Variants in SPRYD3 observed in about 807,000 individuals in gnomAD.
SPRYD3 encodes SPRY domain-containing protein 3.
Under a neutral mutation model 50.1 loss-of-function variants are expected in SPRYD3, and 17 were observed. That is an observed-to-expected ratio of 0.34 (90% CI 0.23 to 0.51). The LOEUF (loss-of-function observed/expected upper bound fraction) is 0.51. Among genes scored for constraint, SPRYD3 ranks in the 20% least tolerant of loss-of-function variants. SPRYD3 has a pLI of 0.97. For missense variants in SPRYD3, 401 were observed against 591.2 expected (o/e 0.68, Z 3.34); for synonymous variants, 198 against 215.5 (o/e 0.92, Z 0.71).
chr12:53,066,907 G>A (rs1039598336), intron 8 of SPRYD3, among the ~76,000 whole-genome samples: 13 of 152,304 alleles, frequency 8.5e-5, no homozygotes, highest in African/African-American at 3.1e-4. Context: ...GAAGTCAGGA[G>A]TTTGAGACCA....
At position 53,075,213 on chromosome 12, in the gene SPRYD3, T is replaced by C. The variant is rs944763802; in HGVS notation, c.253A>G (p.Ile85Val). The C allele has an allele frequency of 1.2e-6, 2 of 1,605,170 alleles. No individual in the cohort carries two copies. Among genetic ancestry groups the C allele is most frequent in the African/African-American group, 1.3e-5 (1 of 74,610 alleles). The change falls in exon 4 of 11, where the codon ATT (isoleucine) becomes GTT (valine). Residue 85 changes from isoleucine to valine, a missense_variant. Ile to Val is a conservative substitution (Grantham distance 29). Coordinates refer to ENST00000301463, the MANE Select transcript of SPRYD3 (RefSeq NM_032840.3). ...GTGCCCCGGACTCCACTGTCCACAA[T>C]AGACACCTGGAGAGAAGAAAGCAGG... ...TKDSNYFEVS[I>V]VDSGVRGTIA...
Position 53,073,552 on chromosome 12 carries a change from A to G in SPRYD3, c.508-81T>C, listed in dbSNP as rs1944565461. 9 of 1,218,886 alleles carry G rather than the reference A, an allele frequency of 7.4e-6. No individual in the cohort carries two copies. In the East Asian group the frequency reaches 2.1e-4, roughly 28 times the overall value. The allele number at this position is 1,218,886 out of a possible 1,614,324, so 75.5% of individuals were successfully genotyped here. A position where few individuals can be genotyped will look rare whatever the true frequency, so the allele number is the denominator to read the frequency against. On this transcript the variant is annotated intron_variant, in intron 5 of 10. Coordinates refer to ENST00000301463, the MANE Select transcript of SPRYD3 (RefSeq NM_032840.3). ...TAATTCTCACAAGGGTACTTTTAAG[A>G]TGATGCAACCAGCCGGGCGTGGTGG...
intron 10 of SPRYD3, 136 bp downstream of exon 10, chr12:53,066,178 G>A: frequency 1.4e-6 from 2 of 1,473,086 alleles, no homozygotes; most frequent in Non-Finnish European, 1.8e-6. Context: ...GCAACCCCTG[G>A]AGCTGGGAAC....
At chr12:53,075,063 A>G (rs1944578791) in intron 4 of SPRYD3, 32 bp downstream of exon 4, 1 of 1,602,976 alleles carries the variant, frequency 6.2e-7, no homozygotes, top group African/African-American at 1.3e-5. Context: ...AATTCATAGG[A>G]AAAGGGCCGG....
At chr12:53,066,508 GCTC>G (rs768516802) in intron 9 of SPRYD3, 22 bp from the exon 10 acceptor site, 1 of 1,613,642 alleles carries the variant, frequency 6.2e-7, no homozygotes, top group South Asian at 1.1e-5. Flanking sequence ...GGAAACCTGA[GCTC>G]CTGTGGTGCC....
Position 53,064,805 on chromosome 12 carries a change from C to T in SPRYD3, c.*1027G>A, listed in dbSNP as rs1048565. Reference sequence around the variant, plus strand: ...TTCCTCCCTGGAAAAGTCACTGTTACGGGGAGGGGGCCAGGGGTTGAAGGA... The same window carrying T: ...TTCCTCCCTGGAAAAGTCACTGTTATGGGGAGGGGGCCAGGGGTTGAAGGA... On this transcript the variant is annotated 3_prime_UTR_variant, in exon 11 of 11. Transcript: ENST00000301463. The T allele has an allele frequency of 0.056, 8,544 of 152,962 alleles. 338 individuals are homozygous for T. Among genetic ancestry groups the T allele is most frequent in the East Asian group, 0.17 (871 of 5,180 alleles). The allele number at this position is 152,962 out of a possible 1,614,324, so 9.5% of individuals were successfully genotyped here.
intron 8 of SPRYD3, 130 bp from the exon 9 acceptor site, chr12:53,066,822 G>A: frequency 8.1e-7 from 1 of 1,240,768 alleles, no homozygotes; most frequent in Non-Finnish European, 1.1e-6. Context: ...AAACAAAGAT[G>A]GAGAGAGAGG....
intron 8 of SPRYD3, among the ~76,000 whole-genome samples, 183 bp from the exon 9 acceptor site, chr12:53,066,875 G>A (rs1189419313): frequency 6.6e-6 from 1 of 152,224 alleles, no homozygotes; most frequent in Non-Finnish European, 1.5e-5. Context: ...GACTTTGGGA[G>A]GCCAAGGAGG....
chr12:53,077,007 AGT>A, intron 2 of SPRYD3, 106 bp downstream of exon 2: 1 of 960,124 alleles, frequency 1.0e-6, no homozygotes, highest in Non-Finnish European at 1.6e-6. Context: ...TTCCCTGTGC[AGT>A]GCACAGTCCC....
At chr12:53,078,565 G>T (rs993073880) in intron 1 of SPRYD3, among the ~76,000 whole-genome samples, 3 of 151,886 alleles carry the variant, frequency 2.0e-5, no homozygotes, top group Admixed American at 1.3e-4. Flanking sequence ...ATCACAAGAG[G>T]ATCAAGAACA....
At chr12:53,071,462 C>T (rs1191108976) in intron 6 of SPRYD3, among the ~76,000 whole-genome samples, 1 of 152,186 alleles carries the variant, frequency 6.6e-6, no homozygotes. Context: ...ATTCCTCAAC[C>T]CCTCAGAGCT....
chr12:53,067,200 A>G (rs1207565151), intron 8 of SPRYD3, among the ~76,000 whole-genome samples: 1 of 151,894 alleles, frequency 6.6e-6, no homozygotes, highest in Non-Finnish European at 1.5e-5. Flanking sequence ...TGCTCAAGGT[A>G]AGGGTAAGGG....
intron 6 of SPRYD3, among the ~76,000 whole-genome samples, chr12:53,068,560 C>T (rs989251581): frequency 6.6e-6 from 1 of 152,146 alleles, no homozygotes; most frequent in Non-Finnish European, 1.5e-5. Flanking sequence ...TCTGGGAGGC[C>T]GGGGAAAGCA....
At chr12:53,077,707 T>C (rs975679019) in intron 1 of SPRYD3, among the ~76,000 whole-genome samples, 1 of 152,128 alleles carries the variant, frequency 6.6e-6, no homozygotes, top group Admixed American at 6.5e-5. Flanking sequence ...GGTCCTTGGA[T>C]GGAAGAGAGC....
Position 53,073,491 on chromosome 12 carries a change from G to A in SPRYD3, c.508-20C>T, listed in dbSNP as rs1160061310. 13 of 1,512,356 alleles carry A rather than the reference G, an allele frequency of 8.6e-6. No homozygotes were observed. The highest frequency in any genetic ancestry group is 2.5e-5 in the East Asian group (1 of 40,392). The allele number at this position is 1,512,356 out of a possible 1,614,324, so 93.7% of individuals were successfully genotyped here. A position where few individuals can be genotyped will look rare whatever the true frequency, so the allele number is the denominator to read the frequency against. ...GCCCACCTGCAGTGGGGGGAAAGAC[G>A]GAGCTGCCACCCGGCCTGCTTTTCC... On this transcript the variant is annotated intron_variant, in intron 5 of 10. Transcript: ENST00000301463.
rs1387306834 is a variant in SPRYD3, at chr12:53,074,655, C to T, written c.501G>A (p.Gly167=). 6.2e-7 allele frequency: 1 copy of T among 1,614,286 alleles called. No individual in the cohort carries two copies. The highest frequency in any genetic ancestry group is 8.5e-7 in the Non-Finnish European group (1 of 1,180,046). Residue 167 remains glycine, a synonymous_variant, in exon 5 of 11, where the codon GGG becomes GGA. Transcript: ENST00000301463. This position sits in a 1 kb window ranked among gnomAD's most constrained non-coding sequence, Gnocchi z 4.6. Reference sequence around the variant, plus strand: ...ACCACTATTTCCCACTCACCCGCTTCCCATTTTTGGTGAAGAAGATCTGGG... The same window carrying T: ...ACCACTATTTCCCACTCACCCGCTTTCCATTTTTGGTGAAGAAGATCTGGG... ...QTAQIFFTKN[G]KRVGSTIMPM... is the part of the protein sequence containing the mutation.
chr12:53,064,665 A>T lies in SPRYD3; in HGVS notation c.*1167T>A, dbSNP rs1944485006. ...TCTGGTCTGTACATACATTTCATACATCGTAGGGTGGGAAGCGAGGGCCAA... is the reference window on the plus strand; with the variant it reads ...TCTGGTCTGTACATACATTTCATACTTCGTAGGGTGGGAAGCGAGGGCCAA... On this transcript the variant is annotated 3_prime_UTR_variant, in exon 11 of 11. Transcript: ENST00000301463. The T allele has an allele frequency of 6.6e-6, 1 of 152,662 alleles. No homozygotes were observed. Among genetic ancestry groups the T allele is most frequent in the Non-Finnish European group, 1.5e-5 (1 of 68,090 alleles). 9.5% of individuals were successfully genotyped at this position (152,662 alleles called of 1,614,324 possible). A position where few individuals can be genotyped will look rare whatever the true frequency, so the allele number is the denominator to read the frequency against.
In SPRYD3 at chr12:53,074,816, G is replaced by A. The variant is rs762585832; in HGVS notation, c.372-32C>T. The A allele has an allele frequency of 1.7e-5, 27 of 1,610,776 alleles. No individual in the cohort carries two copies. The highest frequency in any genetic ancestry group is 5.0e-5 in the Admixed American group (3 of 59,896). ...ACAGAGTAGTACAGACACAGGACCCGAGCCTGGCCTCCCAACTTCTCCCCA... is the reference window on the plus strand; with the variant it reads ...ACAGAGTAGTACAGACACAGGACCCAAGCCTGGCCTCCCAACTTCTCCCCA... On this transcript the variant is annotated intron_variant, in intron 4 of 10. Coordinates refer to ENST00000301463, the MANE Select transcript of SPRYD3 (RefSeq NM_032840.3). The surrounding 1 kb of genome is among the most constrained non-coding windows in gnomAD (Gnocchi z 4.6).
chr12:53,079,191 G>A, intron 1 of SPRYD3, 120 bp downstream of exon 1: 2 of 1,075,152 alleles, frequency 1.9e-6, no homozygotes, highest in Non-Finnish European at 2.7e-6. Context: ...AAGAAGCCCA[G>A]TGACCAGAGC....
Sources: gnomAD v4.1 joint callset for allele counts (sites outside exome capture counted in the v4.1 genomes callset) on GRCh38, gnomAD v4.1.1 for gene constraint, Gnocchi (gnomAD v3.1) non-coding constraint, MANE v1.5 for transcripts, NCBI Gene and HGNC (gene_info 2026-07-23, HGNC 2026-07-21) for gene names.